Variants in MAS1L observed in about 807,000 individuals in gnomAD.
The protein encoded by MAS1L is mas-related G protein-coupled receptor MRG.
For synonymous variants in MAS1L, 160 were observed against 182.9 expected (o/e 0.87, Z 1.01); for missense variants, 441 against 460.1 (o/e 0.96, Z 0.38).
chr6:29,487,524 C>T lies in MAS1L; in HGVS notation c.379G>A (p.Ala127Thr), dbSNP rs749096549. The T allele has an allele frequency of 1.9e-6, 3 of 1,614,144 alleles. No homozygotes were observed. The highest frequency in any genetic ancestry group is 2.5e-6 in the Non-Finnish European group (3 of 1,180,040). ...AADVIYLCCSAVGFLQVTLLT... is the reference protein window; with the variant it reads ...AADVIYLCCSTVGFLQVTLLT... ...AGAGTCACCTGTAAGAACCCCACTG[C>T]CGAGCAGCAAAGATAGATCACGTCA... The change falls in exon 1 of 1, where the codon GCA becomes ACA. Residue 127 changes from alanine (A) to threonine (T), a missense_variant. Transcript: ENST00000377127.
In MAS1L at chr6:29,487,757, C is replaced by A. The variant is rs147443958; in HGVS notation, c.146G>T (p.Gly49Val). 6.6e-4 allele frequency: 1,072 copies of A among 1,614,256 alleles called. 11 individuals are homozygous for A. The highest frequency in any genetic ancestry group is 2.1e-3 in the South Asian group (187 of 91,090). The change falls in exon 1 of 1, where the codon GGC becomes GTC. Residue 49 changes from glycine to valine, a missense_variant. By Grantham distance (109) the Gly-to-Val change is moderately radical. Coordinates refer to ENST00000377127, the MANE Select transcript of MAS1L (RefSeq NM_052967.2). ...QNPNLVSQLCGVFLQNETNET... is the reference protein window; with the variant it reads ...QNPNLVSQLCVVFLQNETNET... ...ATTCGTCTCATTTTGAAGAAAGACG[C>A]CACAGAGCTGAGATACCAGGTTTGG...
In MAS1L at chr6:29,486,996, G is replaced by A; in HGVS notation, c.907C>T (p.Leu303Phe). The change falls in exon 1 of 1, where the codon CTC becomes TTC. Residue 303 changes from leucine (L) to phenylalanine (F), a missense_variant. Physicochemically the swap from Leu to Phe is conservative, Grantham distance 22 (BLOSUM62 0). Transcript: ENST00000377127. ...VTTSYLISLF[L>F]IINSSANPII... ...GGGTTGGCGCTGCTGTTTATAATGA[G>A]GAACAAGGAAATTAAATAGGAGGTG... is the stretch of plus-strand genomic sequence containing the variant. 1 of 1,614,036 alleles carries A rather than the reference G, an allele frequency of 6.2e-7. No homozygotes were observed. The highest frequency in any genetic ancestry group is 8.5e-7 in the Non-Finnish European group (1 of 1,180,006).
In MAS1L at chr6:29,487,253, T is replaced by A; in HGVS notation, c.650A>T (p.His217Leu). ...VKSLFLTYWKHVKACVIFLKL... is the reference protein window; with the variant it reads ...VKSLFLTYWKLVKACVIFLKL... ...TAGAAATATGACACATGCCTTTACATGTTTCCAGTAAGTTAGGAAAAGTGA... is the reference window on the plus strand; with the variant it reads ...TAGAAATATGACACATGCCTTTACAAGTTTCCAGTAAGTTAGGAAAAGTGA... The change falls in exon 1 of 1, where the codon CAT becomes CTT. Residue 217 changes from histidine to leucine, a missense_variant. His to Leu is a moderately conservative substitution (Grantham distance 99, BLOSUM62 -3). Coordinates refer to ENST00000377127, the MANE Select transcript of MAS1L (RefSeq NM_052967.2). The A allele has an allele frequency of 3.7e-6, 6 of 1,614,156 alleles. No homozygotes were observed. The highest frequency in any genetic ancestry group is 4.2e-6 in the Non-Finnish European group (5 of 1,180,030).
chr6:29,487,620 T>G lies in MAS1L; in HGVS notation c.283A>C (p.Thr95Pro). 6.2e-7 allele frequency: 1 copy of G among 1,614,162 alleles called. No homozygotes were observed. Among genetic ancestry groups the G allele is most frequent in the Non-Finnish European group, 8.5e-7 (1 of 1,180,016 alleles). Residue 95 changes from threonine (T) to proline (P), a missense_variant, in exon 1 of 1, where the codon ACT (threonine) becomes CCT (proline). Physicochemically the swap from Thr to Pro is conservative, Grantham distance 38. Transcript: ENST00000377127. ...CCACAGCAAAGCAGCCAGAAGACAGTGCCATTCAATAAGACCCCACAGAGG... is the reference window on the plus strand; with the variant it reads ...CCACAGCAAAGCAGCCAGAAGACAGGGCCATTCAATAAGACCCCACAGAGG... The part of the protein sequence containing the change: ...VSLCGVLLNG[T>P]VFWLLCCGAT...
At position 29,487,186 on chromosome 6, in the gene MAS1L, C is replaced by A. The variant is rs1255422637; in HGVS notation, c.717G>T (p.Met239Ile). The change falls in exon 1 of 1, where the codon ATG (methionine) becomes ATT (isoleucine). Residue 239 changes from methionine (M) to isoleucine (I), a missense_variant. Coordinates refer to ENST00000377127, the MANE Select transcript of MAS1L (RefSeq NM_052967.2). ...GLFHAILSLV[M>I]CVSSLTLLIR... ...TGAGTAGAGTCAGACTCGACACACA[C>A]ATCACAAGTGAAAGGATAGCATGGA... 1 of 1,614,106 alleles carries A rather than the reference C, an allele frequency of 6.2e-7. No individual in the cohort carries two copies. Among genetic ancestry groups the A allele is most frequent in the South Asian group, 1.1e-5 (1 of 91,074 alleles).
Position 29,487,379 on chromosome 6 carries a change from A to G in MAS1L, c.524T>C (p.Val175Ala). ...GCATCTGTACCAGATGGGGAAGAGG[A>G]CACACACACACCGCTCTGTGCTGAT... Reference protein sequence around the residue: ...VAISTERCVCVLFPIWYRCHR... With the variant: ...VAISTERCVCALFPIWYRCHR... Residue 175 changes from valine (V) to alanine (A), a missense_variant, in exon 1 of 1, where the codon GTC becomes GCC. Val to Ala is a moderately conservative substitution (Grantham distance 64). Coordinates refer to ENST00000377127, the MANE Select transcript of MAS1L (RefSeq NM_052967.2). 1.2e-6 allele frequency: 2 copies of G among 1,612,014 alleles called. No homozygotes were observed. Among genetic ancestry groups the G allele is most frequent in the South Asian group, 1.1e-5 (1 of 91,018 alleles).
In MAS1L at chr6:29,487,393, C is replaced by A. The variant is rs1372703636; in HGVS notation, c.510G>T (p.Glu170Asp). 4 of 1,613,866 alleles carry A rather than the reference C, an allele frequency of 2.5e-6. No individual in the cohort carries two copies. Among genetic ancestry groups the A allele is most frequent in the Non-Finnish European group, 3.4e-6 (4 of 1,180,026 alleles). Reference sequence around the variant, plus strand: ...TGGGGAAGAGGACACACACACACCGCTCTGTGCTGATGGCCACCAGGAGAC... The same window carrying A: ...TGGGGAAGAGGACACACACACACCGATCTGTGCTGATGGCCACCAGGAGAC... ...CLCLLVAIST[E>D]RCVCVLFPIW... The change falls in exon 1 of 1, where the codon GAG becomes GAT. Residue 170 changes from glutamate to aspartate, a missense_variant. Coordinates refer to ENST00000377127, the MANE Select transcript of MAS1L (RefSeq NM_052967.2).
rs771898207 is a variant in MAS1L at position 29,487,000 on chromosome 6, C to A, written c.903G>T (p.Leu301Phe). 1 of 1,613,952 alleles carries A rather than the reference C, an allele frequency of 6.2e-7. No individual in the cohort carries two copies. Among genetic ancestry groups the A allele is most frequent in the Non-Finnish European group, 8.5e-7 (1 of 1,180,014 alleles). ...MFVTTSYLIS[L>F]FLIINSSANP... The stretch of plus-strand genomic sequence containing the variant: ...TGGCGCTGCTGTTTATAATGAGGAA[C>A]AAGGAAATTAAATAGGAGGTGGTGA... Residue 301 changes from leucine (L) to phenylalanine (F), a missense_variant, in exon 1 of 1, where the codon TTG (leucine) becomes TTT (phenylalanine). By Grantham distance (22) the Leu-to-Phe change is conservative. Transcript: ENST00000377127.
Position 29,487,383 on chromosome 6 carries a change from A to T in MAS1L, c.520T>A (p.Cys174Ser). 6.2e-7 allele frequency: 1 copy of T among 1,614,084 alleles called. No homozygotes were observed. The highest frequency in any genetic ancestry group is 1.3e-5 in the African/African-American group (1 of 75,062). Residue 174 changes from cysteine to serine, a missense_variant, in exon 1 of 1, where the codon TGT becomes AGT. Cys to Ser is a moderately radical substitution (Grantham distance 112). Coordinates refer to ENST00000377127, the MANE Select transcript of MAS1L (RefSeq NM_052967.2). ...LVAISTERCV[C>S]VLFPIWYRCH... ...CTGTACCAGATGGGGAAGAGGACAC[A>T]CACACACCGCTCTGTGCTGATGGCC...
chr6:29,487,953 C>A lies in MAS1L; in HGVS notation c.-51G>T. 1 of 1,549,876 alleles carries A rather than the reference C, an allele frequency of 6.5e-7. No homozygotes were observed. Among genetic ancestry groups the A allele is most frequent in the Non-Finnish European group, 8.7e-7 (1 of 1,149,598 alleles). ...CAACATCACAGTCAGGAGCAGTGGTCCATCTAGTGGTGTCCTCTGGCCTCA... is the reference window on the plus strand; with the variant it reads ...CAACATCACAGTCAGGAGCAGTGGTACATCTAGTGGTGTCCTCTGGCCTCA... On this transcript the variant is annotated 5_prime_UTR_variant, in exon 1 of 1. Transcript: ENST00000377127.
At position 29,487,299 on chromosome 6, in the gene MAS1L, A is replaced by G. The variant is rs774449489; in HGVS notation, c.604T>C (p.Phe202Leu). 1 of 1,614,166 alleles carries G rather than the reference A, an allele frequency of 6.2e-7. No individual in the cohort carries two copies. Among genetic ancestry groups the G allele is most frequent in the South Asian group, 1.1e-5 (1 of 91,080 alleles). The stretch of plus-strand genomic sequence containing the variant: ...AGTGATTTTACTATGTTGATGCAAA[A>G]AGGCAGGCCCCAGATGAGGGTGCAG... ...VVCTLIWGLP[F>L]CINIVKSLFL... Residue 202 changes from phenylalanine to leucine, a missense_variant, in exon 1 of 1, where the codon TTT becomes CTT. Transcript: ENST00000377127.
rs1789411976 is a variant in MAS1L at position 29,487,743 on chromosome 6, T to C, written c.160A>G (p.Asn54Asp). The change falls in exon 1 of 1, where the codon AAT (asparagine) becomes GAT (aspartate). Residue 54 changes from asparagine to aspartate, a missense_variant. Transcript: ENST00000377127. ...VSQLCGVFLQ[N>D]ETNETIHMQM... Reference sequence around the variant, plus strand: ...ATATGTATGGTTTCATTCGTCTCATTTTGAAGAAAGACGCCACAGAGCTGA... The same window carrying C: ...ATATGTATGGTTTCATTCGTCTCATCTTGAAGAAAGACGCCACAGAGCTGA... 1 of 1,614,106 alleles carries C rather than the reference T, an allele frequency of 6.2e-7. No homozygotes were observed. Among genetic ancestry groups the C allele is most frequent in the African/African-American group, 1.3e-5 (1 of 74,942 alleles).
Position 29,487,160 on chromosome 6 carries a change from A to G in MAS1L, c.743T>C (p.Ile248Thr). ...VMCVSSLTLL[I>T]RFLCCSQQQK... ...CTGCTGGGAGCAGCACAGGAATCTA[A>G]TGAGTAGAGTCAGACTCGACACACA... Residue 248 changes from isoleucine (I) to threonine (T), a missense_variant, in exon 1 of 1, where the codon ATT becomes ACT. Transcript: ENST00000377127. 1 of 1,614,134 alleles carries G rather than the reference A, an allele frequency of 6.2e-7. No homozygotes were observed. The highest frequency in any genetic ancestry group is 2.2e-5 in the East Asian group (1 of 44,876).
rs775946167 is a variant in MAS1L, at chr6:29,487,682, G to A, written c.221C>T (p.Pro74Leu). 87 of 1,614,182 alleles carry A rather than the reference G, an allele frequency of 5.4e-5. 2 individuals carry two copies. The South Asian group carries it at 9.4e-4, about 18-fold the overall frequency. The change falls in exon 1 of 1, where the codon CCC (proline) becomes CTC (leucine). Residue 74 changes from proline (P) to leucine (L), a missense_variant. Pro to Leu is a moderately conservative substitution (Grantham distance 98, BLOSUM62 -3). Transcript: ENST00000377127. ...AGCCTTGGGGGCAATGATATTCAAG[G>A]GCAGGGCCTGCTGTCCCACTGCCAT... ...MSMAVGQQAL[P>L]LNIIAPKAVL...
Position 29,487,604 on chromosome 6 carries a change from A to G in MAS1L, c.299T>C (p.Leu100Pro), listed in dbSNP as rs532518955. Reference sequence around the variant, plus strand: ...GTAGGGATTCGTGGCCCCACAGCAAAGCAGCCAGAAGACAGTGCCATTCAA... The same window carrying G: ...GTAGGGATTCGTGGCCCCACAGCAAGGCAGCCAGAAGACAGTGCCATTCAA... ...VLLNGTVFWL[L>P]CCGATNPYMV... The change falls in exon 1 of 1, where the codon CTT (leucine) becomes CCT (proline). Residue 100 changes from leucine (L) to proline (P), a missense_variant. Transcript: ENST00000377127. 6 of 1,614,230 alleles carry G rather than the reference A, an allele frequency of 3.7e-6. No individual in the cohort carries two copies. The highest frequency in any genetic ancestry group is 1.3e-5 in the African/African-American group (1 of 75,066).
rs1186245163 is a variant in MAS1L at position 29,486,894 on chromosome 6, A to C, written c.1009T>G (p.Leu337Val). The part of the protein sequence containing the change: ...ESLRVILQRA[L>V]ADKPEVGRNK... ...CTCCCCACCTCTGGCTTATCTGCTA[A>C]CGCCCGTTGGAGAATCACTCTGAGA... Residue 337 changes from leucine to valine, a missense_variant, in exon 1 of 1, where the codon TTA (leucine) becomes GTA (valine). Physicochemically the swap from Leu to Val is conservative, Grantham distance 32 (BLOSUM62 1). Transcript: ENST00000377127. 1.2e-6 allele frequency: 2 copies of C among 1,614,062 alleles called. No homozygotes were observed. The highest frequency in any genetic ancestry group is 1.7e-6 in the Non-Finnish European group (2 of 1,180,032).
rs780488259 is a variant in MAS1L, at chr6:29,487,272, A to C, written c.631T>G (p.Phe211Val). The change falls in exon 1 of 1, where the codon TTC (phenylalanine) becomes GTC (valine). Residue 211 changes from phenylalanine (F) to valine (V), a missense_variant. Physicochemically the swap from Phe to Val is conservative, Grantham distance 50 (BLOSUM62 -1). Coordinates refer to ENST00000377127, the MANE Select transcript of MAS1L (RefSeq NM_052967.2). ...TTTACATGTTTCCAGTAAGTTAGGA[A>C]AAGTGATTTTACTATGTTGATGCAA... ...PFCINIVKSLFLTYWKHVKAC... is the reference protein window; with the variant it reads ...PFCINIVKSLVLTYWKHVKAC... 2 of 1,614,154 alleles carry C rather than the reference A, an allele frequency of 1.2e-6. No individual in the cohort carries two copies. Among genetic ancestry groups the C allele is most frequent in the Non-Finnish European group, 1.7e-6 (2 of 1,180,032 alleles).
chr6:29,487,208 T>C lies in MAS1L; in HGVS notation c.695A>G (p.His232Arg). 2 of 1,614,052 alleles carry C rather than the reference T, an allele frequency of 1.2e-6. No individual in the cohort carries two copies. Among genetic ancestry groups the C allele is most frequent in the Non-Finnish European group, 1.7e-6 (2 of 1,180,004 alleles). The change falls in exon 1 of 1, where the codon CAT becomes CGT. Residue 232 changes from histidine (H) to arginine (R), a missense_variant. By Grantham distance (29) the His-to-Arg change is conservative (BLOSUM62 0). Coordinates refer to ENST00000377127, the MANE Select transcript of MAS1L (RefSeq NM_052967.2). The stretch of plus-strand genomic sequence containing the variant: ...ACACATCACAAGTGAAAGGATAGCA[T>C]GGAAGAGCCCAGAAAGCTTTAGAAA... ...VIFLKLSGLF[H>R]AILSLVMCVS...
rs766533404 is a variant in MAS1L at position 29,486,829 on chromosome 6, T to G, written c.1074A>C (p.Pro358=). The G allele has an allele frequency of 6.2e-7, 1 of 1,614,142 alleles. No homozygotes were observed. Among genetic ancestry groups the G allele is most frequent in the South Asian group, 1.1e-5 (1 of 91,078 alleles). The part of the protein sequence containing the change: ...KAAGIDPMEQ[P]HSTQHVENLL... ...GGTTCTCCACATGCTGAGTAGAGTGTGGTTGCTCCATTGGGTCGATGCCAG... is the reference window on the plus strand; with the variant it reads ...GGTTCTCCACATGCTGAGTAGAGTGGGGTTGCTCCATTGGGTCGATGCCAG... Residue 358 remains proline, a synonymous_variant, in exon 1 of 1, where the codon CCA becomes CCC. Transcript: ENST00000377127.
Sources: gnomAD v4.1 joint callset for allele counts on GRCh38, gnomAD v4.1.1 for gene constraint, MANE v1.5 for transcripts, NCBI Gene and HGNC (gene_info 2026-07-23, HGNC 2026-07-21) for gene names.